The following FNDC1 variants were observed in gnomAD, a reference collection of about 807,000 sequenced individuals.
FNDC1 encodes fibronectin type III domain containing 1, also known as fibronectin type III domain-containing protein 1.
A neutral mutation model predicts 168.0 loss-of-function variants in FNDC1; 96 were observed. The ratio of observed to expected loss-of-function variants is 0.57; its 90% CI spans 0.48 to 0.68. FNDC1 has a LOEUF of 0.68. Ranked by LOEUF, FNDC1 falls within the 30% of genes least tolerant of loss-of-function variation. FNDC1 has a pLI of 0.00. For synonymous variants in FNDC1, 1,099 were observed against 1,025.9 expected (o/e 1.07, Z -1.36); for missense variants, 2,587 against 2,482.1 (o/e 1.04, Z -0.90).
chr6:159,253,560 C>G (rs1192213907), intron 17 of FNDC1, among the ~76,000 whole-genome samples: 1 of 152,178 alleles, frequency 6.6e-6, no homozygotes, highest in East Asian at 1.9e-4. Context: ...GTGTGAAACT[C>G]CTAGAATTCC....
chr6:159,178,739 T>C (rs1372564403), intron 1 of FNDC1, among the ~76,000 whole-genome samples: 1 of 151,802 alleles, frequency 6.6e-6, no homozygotes, highest in Non-Finnish European at 1.5e-5. Context: ...AGCTTGCAAG[T>C]GTTTTTCTTT....
chr6:159,187,759 T>C (rs1782033506), intron 1 of FNDC1, among the ~76,000 whole-genome samples: 1 of 152,230 alleles, frequency 6.6e-6, no homozygotes, highest in African/African-American at 2.4e-5. Flanking sequence ...AAAAAATATT[T>C]AAAATTTGGT....
chr6:159,181,295 A>T (rs1248757150), intron 1 of FNDC1, among the ~76,000 whole-genome samples: 1 of 152,186 alleles, frequency 6.6e-6, no homozygotes, highest in Non-Finnish European at 1.5e-5. Flanking sequence ...CACAGCTCAG[A>T]TGAGGAAGGG....
intron 1 of FNDC1, among the ~76,000 whole-genome samples, chr6:159,173,260 G>A (rs1781697593): frequency 7.6e-6 from 1 of 131,008 alleles, no homozygotes; most frequent in South Asian, 2.7e-4. Context: ...CTGCACCTCT[G>A]GGGGCCTTGG....
chr6:159,187,712 A>G (rs1330777168), intron 1 of FNDC1, among the ~76,000 whole-genome samples: 1 of 152,228 alleles, frequency 6.6e-6, no homozygotes, highest in African/African-American at 2.4e-5. Flanking sequence ...GGTCTGGGTC[A>G]TAAATATTTG....
In FNDC1 at chr6:159,233,563, G is replaced by A. The variant is rs760493077; in HGVS notation, c.3051G>A (p.Pro1017=). The change falls in exon 11 of 23, where the codon CCG becomes CCA. Residue 1017 remains proline (P), a synonymous_variant. Transcript: ENST00000297267. The surrounding 1 kb of genome is among the most constrained non-coding windows in gnomAD (Gnocchi z 4.6). ...CCGTCGCCACGTCCCAGCACCACCC[G>A]GGACCCCAGAGCAGAGACGCGGGTC... is the stretch of plus-strand genomic sequence containing the variant. ...PPPVATSQHH[P]GPQSRDAGRS... is the part of the protein sequence containing the mutation. 4 of 1,592,096 alleles carry A rather than the reference G, an allele frequency of 2.5e-6. No homozygotes were observed. Among genetic ancestry groups the A allele is most frequent in the Middle Eastern group, 1.7e-4 (1 of 6,040 alleles).
chr6:159,266,511 G>A (rs949430533), intron 21 of FNDC1, among the ~76,000 whole-genome samples: 2 of 152,158 alleles, frequency 1.3e-5, no homozygotes, highest in African/African-American at 4.8e-5. Flanking sequence ...TTGGGAGGCC[G>A]AGGTGGGTGG....
At position 159,232,487 on chromosome 6, in the gene FNDC1, C is replaced by T. The variant is rs778915395; in HGVS notation, c.1975C>T (p.Pro659Ser). The T allele has an allele frequency of 1.9e-6, 3 of 1,612,500 alleles. No homozygotes were observed. Among genetic ancestry groups the T allele is most frequent in the East Asian group, 4.5e-5 (2 of 44,840 alleles). ...EDERAVGSLH[P>S]KGAFAQPRPA... ...TGAGCGCGCTGTGGGCTCCCTCCAC[C>T]CCAAGGGCGCCTTCGCCCAGCCCCG... Residue 659 changes from proline to serine, a missense_variant, in exon 11 of 23, where the codon CCC becomes TCC. Transcript: ENST00000297267. The surrounding 1 kb of genome is among the most constrained non-coding windows in gnomAD (Gnocchi z 4.9).
chr6:159,199,112 C>A (rs758859359), intron 2 of FNDC1, among the ~76,000 whole-genome samples: 1 of 152,224 alleles, frequency 6.6e-6, no homozygotes, highest in South Asian at 2.1e-4. Flanking sequence ...CTCCAGCTCT[C>A]GTCCCCTGAA....
At chr6:159,204,998 C>T (rs1413258174) in intron 4 of FNDC1, among the ~76,000 whole-genome samples, 1 of 152,146 alleles carries the variant, frequency 6.6e-6, no homozygotes, top group Non-Finnish European at 1.5e-5. Context: ...TGAACCCTCA[C>T]TGCTCCCTGC....
In FNDC1 at chr6:159,169,547, G is replaced by T. The variant is rs1781603138; in HGVS notation, c.-50G>T. Reference sequence around the variant, plus strand: ...CGGCACTCCCCAGACTCCGGCCAGCGCCCCCCTGCCAGCCGCAAGCACCCA... The same window carrying T: ...CGGCACTCCCCAGACTCCGGCCAGCTCCCCCCTGCCAGCCGCAAGCACCCA... On this transcript the variant is annotated 5_prime_UTR_variant, in exon 1 of 23. Transcript: ENST00000297267. The surrounding 1 kb of genome is among the most constrained non-coding windows in gnomAD (Gnocchi z 6.8). 1 of 584,114 alleles carries T rather than the reference G, an allele frequency of 1.7e-6. No individual in the cohort carries two copies. Among genetic ancestry groups the T allele is most frequent in the Non-Finnish European group, 2.3e-6 (1 of 444,000 alleles). 36.2% of individuals were successfully genotyped at this position (584,114 alleles called of 1,614,324 possible).
intron 18 of FNDC1, among the ~76,000 whole-genome samples, chr6:159,258,360 G>A (rs1293181229): frequency 6.6e-6 from 1 of 152,134 alleles, no homozygotes; most frequent in Non-Finnish European, 1.5e-5. Flanking sequence ...ATCATGCTTT[G>A]AGAGTATATA....
At chr6:159,188,919 T>G (rs1384863695) in intron 1 of FNDC1, among the ~76,000 whole-genome samples, 2 of 151,760 alleles carry the variant, frequency 1.3e-5, no homozygotes, top group African/African-American at 4.8e-5. Flanking sequence ...ACCTGGCTAA[T>G]TTTTGTATTT....
At chr6:159,238,523 A>G (rs1783321426) in intron 12 of FNDC1, 31 bp from the exon 13 acceptor site, 3 of 1,482,098 alleles carry the variant, frequency 2.0e-6, no homozygotes, top group South Asian at 1.2e-5. Context: ...AAAATGTCCA[A>G]TATATTCTTT....
Position 159,232,071 on chromosome 6 carries a change from C to G in FNDC1, c.1559C>G (p.Pro520Arg). 17 of 1,613,820 alleles carry G rather than the reference C, an allele frequency of 1.1e-5. No homozygotes were observed. The highest frequency in any genetic ancestry group is 1.4e-5 in the Non-Finnish European group (17 of 1,179,818). The change falls in exon 11 of 23, where the codon CCC (proline) becomes CGC (arginine). Residue 520 changes from proline to arginine, a missense_variant. Pro to Arg is a moderately radical substitution (Grantham distance 103, BLOSUM62 -2). Transcript: ENST00000297267. This position sits in a 1 kb window ranked among gnomAD's most constrained non-coding sequence, Gnocchi z 4.9. ...AAAATATTGGCTAATGGTGGGGCGC[C>G]CCGAAAACCCCAGCTTCGCGCCAAG... ...KNKILANGGA[P>R]RKPQLRAKKA... is the part of the protein sequence containing the mutation.
chr6:159,201,665 G>A (rs900572010), intron 4 of FNDC1, among the ~76,000 whole-genome samples: 3 of 152,196 alleles, frequency 2.0e-5, no homozygotes, highest in Non-Finnish European at 4.4e-5. Flanking sequence ...TGGAAATTCA[G>A]TAAAATGGTC....
intron 6 of FNDC1, among the ~76,000 whole-genome samples, chr6:159,223,082 G>A (rs9456382): frequency 0.41 from 57,881 of 142,592 alleles, 14,222 homozygotes; most frequent in East Asian, 0.75. Context: ...TGCAAGCTCC[G>A]CCTCCTGGAT....
chr6:159,216,917 C>T (rs404525), intron 5 of FNDC1, among the ~76,000 whole-genome samples: 1 of 152,162 alleles, frequency 6.6e-6, no homozygotes, highest in South Asian at 2.1e-4. Flanking sequence ...TCTTCCCTTA[C>T]CTGGAGGGGC....
At position 159,271,409 on chromosome 6, in the gene FNDC1, C is replaced by T. The variant is rs752764857; in HGVS notation, c.5652C>T (p.Tyr1884=). Residue 1884 remains tyrosine, a synonymous_variant, in exon 23 of 23, where the codon TAC becomes TAT. Coordinates refer to ENST00000297267, the MANE Select transcript of FNDC1 (RefSeq NM_032532.3). ...CCCCCTACTACTATGTGGGCTGGTACGAGTGTGGGGTCTCCATCCCTGGAA... is the reference window on the plus strand; with the variant it reads ...CCCCCTACTACTATGTGGGCTGGTATGAGTGTGGGGTCTCCATCCCTGGAA... ...FGTPYYYVGW[Y]ECGVSIPGKW is the part of the protein sequence containing the mutation. 21 of 1,611,488 alleles carry T rather than the reference C, an allele frequency of 1.3e-5. No individual in the cohort carries two copies. The Middle Eastern group carries it at 4.9e-4, about 38-fold the overall frequency.
Sources: gnomAD v4.1 joint callset for allele counts (sites outside exome capture counted in the v4.1 genomes callset) on GRCh38, gnomAD v4.1.1 for gene constraint, Gnocchi (gnomAD v3.1) non-coding constraint, MANE v1.5 for transcripts, NCBI Gene and HGNC (gene_info 2026-07-23, HGNC 2026-07-21) for gene names.